The following SWAP70 variants were observed in gnomAD, a reference collection of about 807,000 sequenced individuals.
SWAP70 encodes the protein switching B cell complex subunit SWAP70.
In SWAP70, 34 loss-of-function variants were observed where a neutral mutation model predicts 80.2. The ratio of observed to expected loss-of-function variants is 0.42; its 90% CI spans 0.32 to 0.56. The LOEUF (loss-of-function observed/expected upper bound fraction) is 0.56. SWAP70 is among the 20% of genes least tolerant of loss of function. The pLI, the probability that SWAP70 is intolerant of heterozygous loss-of-function variation, is 0.09. For synonymous variants in SWAP70, 239 were observed against 238.5 expected (o/e 1.00, Z -0.02); for missense variants, 578 against 690.7 (o/e 0.84, Z 1.83).
At chr11:9,742,964 A>T in intron 9 of SWAP70, among the ~76,000 whole-genome samples, 1 of 148,654 alleles carries the variant, frequency 6.7e-6, no homozygotes, top group South Asian at 2.1e-4. Flanking sequence ...TTTGTTACAT[A>T]TGTATACATG....
chr11:9,709,194 C>T (rs915325449), intron 2 of SWAP70, among the ~76,000 whole-genome samples: 14 of 152,058 alleles, frequency 9.2e-5, no homozygotes, highest in Non-Finnish European at 1.8e-4. Context: ...CACAGTCTTG[C>T]CTTCATTGCA....
chr11:9,701,985 A>T (rs11042478), intron 2 of SWAP70, among the ~76,000 whole-genome samples: 1 of 152,100 alleles, frequency 6.6e-6, no homozygotes, highest in Non-Finnish European at 1.5e-5. Context: ...CCAAGTTCCA[A>T]TTGGGGAATC....
intron 1 of SWAP70, among the ~76,000 whole-genome samples, chr11:9,691,206 C>G (rs552702404): frequency 2.9e-4 from 44 of 152,334 alleles, no homozygotes; most frequent in African/African-American, 1.0e-3. Context: ...GCATAAGCCA[C>G]CATGCCCAGC....
rs777079521 is a variant in SWAP70 at position 9,738,219 on chromosome 11, G to A, written c.1087G>A (p.Glu363Lys). 1.6e-5 allele frequency: 26 copies of A among 1,606,124 alleles called. 1 individual carries two copies. The South Asian group carries it at 1.9e-4, about 12-fold the overall frequency. Residue 363 changes from glutamate (E) to lysine (K), a missense_variant, in exon 8 of 12, where the codon GAG (glutamate) becomes AAG (lysine). By Grantham distance (56) the Glu-to-Lys change is moderately conservative. Coordinates refer to ENST00000318950, the MANE Select transcript of SWAP70 (RefSeq NM_015055.4). ...TGGGTTTTTGATTGGCTAGAAACTGGAGGAAGCAGCATCTCGTGCAGCAGA... is the reference window on the plus strand; with the variant it reads ...TGGGTTTTTGATTGGCTAGAAACTGAAGGAAGCAGCATCTCGTGCAGCAGA... ...QELEAVRKKL[E>K]EAASRAAEEE...
At chr11:9,671,312 A>C in intron 1 of SWAP70, among the ~76,000 whole-genome samples, 1 of 109,514 alleles carries the variant, frequency 9.1e-6, no homozygotes, top group Admixed American at 1.2e-4. Flanking sequence ...ATATTTATAA[A>C]TATAAATATA....
At chr11:9,716,705 A>T (rs1851070843) in intron 3 of SWAP70, among the ~76,000 whole-genome samples, 1 of 152,186 alleles carries the variant, frequency 6.6e-6, no homozygotes, top group Admixed American at 6.5e-5. Context: ...TGGGTTTGGT[A>T]CATTTGGGAT....
At chr11:9,735,360 T>C (rs1166746099) in intron 7 of SWAP70, among the ~76,000 whole-genome samples, 1 of 152,266 alleles carries the variant, frequency 6.6e-6, no homozygotes, top group Admixed American at 6.5e-5. Flanking sequence ...TTTATGGCTG[T>C]AGAATATTCT....
intron 1 of SWAP70, among the ~76,000 whole-genome samples, chr11:9,673,274 G>T (rs1382658377): frequency 6.6e-6 from 1 of 152,162 alleles, no homozygotes; most frequent in Non-Finnish European, 1.5e-5. Context: ...TGCTAGAGTG[G>T]CTCACAGAAC....
chr11:9,747,092 G>A lies in SWAP70; in HGVS notation c.1356-766G>A, dbSNP rs148579547. Among the ~76,000 whole-genome samples the A allele has an allele frequency of 3.8e-4, 58 of 152,276 alleles. No homozygotes were observed. The East Asian group carries it at 5.6e-3, about 15-fold the overall frequency. On this transcript the variant is annotated intron_variant, in intron 9 of 11. Coordinates refer to ENST00000318950, the MANE Select transcript of SWAP70 (RefSeq NM_015055.4). ...ATACACTTTAATGCAGGTTTTGGCTGTTTGTTAGTTTATTTAAACAACTAC... is the reference window on the plus strand; with the variant it reads ...ATACACTTTAATGCAGGTTTTGGCTATTTGTTAGTTTATTTAAACAACTAC...
chr11:9,732,774 C>G (rs1851317161), intron 7 of SWAP70, 64 bp downstream of exon 7: 1 of 1,435,016 alleles, frequency 7.0e-7, no homozygotes, highest in African/African-American at 1.4e-5. Flanking sequence ...TCGTGCCTTG[C>G]TTAGGGGTGT....
rs146825270 is a variant in SWAP70 at position 9,732,832 on chromosome 11, G to A, written c.1080+122G>A. ...GTGCAGTTTTAGGGAGATACTTGTG[G>A]TGAACTGTTCTCAGAAGTGTTTCCA... is the stretch of plus-strand genomic sequence containing the variant. On this transcript the variant is annotated intron_variant, in intron 7 of 11. Transcript: ENST00000318950. 79 of 939,206 alleles carry A rather than the reference G, an allele frequency of 8.4e-5. No homozygotes were observed. The East Asian group carries it at 2.1e-3, about 25-fold the overall frequency. The allele number at this position is 939,206 out of a possible 1,614,324, so 58.2% of individuals were successfully genotyped here.
Position 9,729,361 on chromosome 11 carries a change from G to A in SWAP70, c.808G>A (p.Gly270Arg). ...CCVESLPDKD[G>R]KKCLFLVKCF... Reference sequence around the variant, plus strand: ...GTTTTAGTCCTTGCCTGACAAAGATGGAAAGAAATGCCTTTTTCTCGTAAA... The same window carrying A: ...GTTTTAGTCCTTGCCTGACAAAGATAGAAAGAAATGCCTTTTTCTCGTAAA... Residue 270 changes from glycine to arginine, a missense_variant, in exon 6 of 12, where the codon GGA (glycine) becomes AGA (arginine). By Grantham distance (125) the Gly-to-Arg change is moderately radical. Coordinates refer to ENST00000318950, the MANE Select transcript of SWAP70 (RefSeq NM_015055.4). 6.2e-7 allele frequency: 1 copy of A among 1,613,062 alleles called. No individual in the cohort carries two copies. The highest frequency in any genetic ancestry group is 1.7e-4 in the Middle Eastern group (1 of 6,058).
intron 2 of SWAP70, among the ~76,000 whole-genome samples, chr11:9,702,717 G>T (rs1399515282): frequency 8.5e-5 from 13 of 152,074 alleles, no homozygotes; most frequent in Non-Finnish European, 8.8e-5. Flanking sequence ...CACTGCACCT[G>T]ACTGAAAGTT....
At chr11:9,674,032 TG>T (rs1850453812) in intron 1 of SWAP70, among the ~76,000 whole-genome samples, 1 of 152,158 alleles carries the variant, frequency 6.6e-6, no homozygotes, top group African/African-American at 2.4e-5. Flanking sequence ...CCCAAGTAGC[TG>T]GGGTTACAGG....
chr11:9,750,163 C>A lies in SWAP70; in HGVS notation c.*193C>A. 1 of 353,018 alleles carries A rather than the reference C, an allele frequency of 2.8e-6. No homozygotes were observed. The highest frequency in any genetic ancestry group is 5.4e-6 in the Non-Finnish European group (1 of 186,230). 21.9% of individuals were successfully genotyped at this position (353,018 alleles called of 1,614,324 possible). A position where few individuals can be genotyped will look rare whatever the true frequency, so the allele number is the denominator to read the frequency against. On this transcript the variant is annotated 3_prime_UTR_variant, in exon 12 of 12. Transcript: ENST00000318950. ...GAGCAGCCTGGCCAACCTGGTGAAA[C>A]CCTGTCTCTACTAAAAATACAAAAA...
At chr11:9,672,924 A>G (rs1247323785) in intron 1 of SWAP70, among the ~76,000 whole-genome samples, 1 of 152,192 alleles carries the variant, frequency 6.6e-6, no homozygotes, top group Non-Finnish European at 1.5e-5. Context: ...TGTCAGTGGA[A>G]ACAACACACA....
At chr11:9,706,944 AT>A (rs567585277) in intron 2 of SWAP70, among the ~76,000 whole-genome samples, 4 of 151,046 alleles carry the variant, frequency 2.6e-5, no homozygotes, top group Admixed American at 2.6e-4. Context: ...GGAAGGAAGC[AT>A]TTTTTTTCTT....
At chr11:9,715,260 T>C (rs1851051776) in intron 3 of SWAP70, among the ~76,000 whole-genome samples, 1 of 152,120 alleles carries the variant, frequency 6.6e-6, no homozygotes, top group African/African-American at 2.4e-5. Context: ...ATTACAGGCA[T>C]GAGCTACTGT....
intron 4 of SWAP70, 73 bp downstream of exon 4, chr11:9,724,958 AAGATG>A (rs1467487943): frequency 4.6e-6 from 5 of 1,090,008 alleles, no homozygotes; most frequent in Non-Finnish European, 6.7e-6. Context: ...TTTTGTCACA[AAGATG>A]AGTATAAGTC....
Sources: allele counts gnomAD v4.1 joint callset (sites outside exome capture counted in the v4.1 genomes callset), GRCh38; gene constraint gnomAD v4.1.1; transcripts MANE v1.5; gene names NCBI Gene and HGNC (gene_info 2026-07-23, HGNC 2026-07-21).